UGT1A8: variants seen among roughly 807,000 people sequenced by gnomAD.
UGT1A8 encodes UDP-glucuronosyltransferase 1A8.
A neutral mutation model predicts 45.3 loss-of-function variants in UGT1A8; 39 were observed. That is an observed-to-expected ratio of 0.86 (90% CI 0.67 to 1.12). The LOEUF is 1.12. UGT1A8 is among the 50% of genes most tolerant of loss of function. UGT1A8 has a pLI of 0.00. For synonymous variants in UGT1A8, 275 were observed against 249.2 expected (o/e 1.10, Z -0.97); for missense variants, 719 against 664.9 (o/e 1.08, Z -0.90).
Position 233,703,068 on chromosome 2 carries a change from T to C in UGT1A8, c.856-63966T>C, listed in dbSNP as rs370825305. 7.9e-5 allele frequency among the ~76,000 whole-genome samples: 12 copies of C among 152,368 alleles called. No homozygotes were observed. In the East Asian group the frequency reaches 1.5e-3, roughly 20 times the overall value. On this transcript the variant is annotated intron_variant, in intron 1 of 4. Transcript: ENST00000373450. ...TTGATAGAATTCACTAGTGAAGCTG[T>C]CTGGGCCTAGGCTTTTCTTGCAGGA...
chr2:233,719,667 A>G, intron 1 of UGT1A8: 1 of 1,614,118 alleles, frequency 6.2e-7, no homozygotes, highest in South Asian at 1.1e-5. Flanking sequence ...CAACTGTGCC[A>G]ACGGGAAGCC....
Position 233,768,283 on chromosome 2 carries a change from G to T in UGT1A8, c.1139G>T (p.Cys380Phe). 6.2e-7 allele frequency: 1 copy of T among 1,614,180 alleles called. No homozygotes were observed. The change falls in exon 4 of 5, where the codon TGC becomes TTC. Residue 380 changes from cysteine (C) to phenylalanine (F), a missense_variant. Transcript: ENST00000373450. ...TCCCATGGTGTTTATGAAAGCATAT[G>T]CAATGGCGTTCCCATGGTGATGATG... Reference protein sequence around the residue: ...AGSHGVYESICNGVPMVMMPL... With the variant: ...AGSHGVYESIFNGVPMVMMPL...
intron 1 of UGT1A8, chr2:233,747,179 G>A: frequency 3.7e-6 from 6 of 1,601,464 alleles, no homozygotes; most frequent in Non-Finnish European, 3.4e-6. Context: ...GCACAGCGTG[G>A]GGTGGACAGT....
chr2:233,701,290 G>A (rs1052682506), intron 1 of UGT1A8, among the ~76,000 whole-genome samples: 2 of 152,088 alleles, frequency 1.3e-5, no homozygotes, highest in South Asian at 2.1e-4. Context: ...TTGAGGAATC[G>A]CCACACTGTC....
At chr2:233,707,609 T>C (rs2075976108) in intron 1 of UGT1A8, among the ~76,000 whole-genome samples, 1 of 152,084 alleles carries the variant, frequency 6.6e-6, no homozygotes, top group African/African-American at 2.4e-5. Flanking sequence ...TTGTAGTTTG[T>C]GGATTGTCAG....
At chr2:233,717,239 G>T (rs28898607) in intron 1 of UGT1A8, among the ~76,000 whole-genome samples, 1 of 152,308 alleles carries the variant, frequency 6.6e-6, no homozygotes, top group East Asian at 1.9e-4. Flanking sequence ...TTAAGATGCA[G>T]ACAGTTTTAA....
chr2:233,758,136 T>C (rs1239060049), intron 1 of UGT1A8, among the ~76,000 whole-genome samples: 2 of 152,212 alleles, frequency 1.3e-5, no homozygotes, highest in Non-Finnish European at 2.9e-5. Context: ...ATTTGGCAGA[T>C]GAGGGAATTA....
At chr2:233,637,500 C>T in intron 1 of UGT1A8, 1 of 1,488,600 alleles carries the variant, frequency 6.7e-7, no homozygotes, top group South Asian at 1.4e-5. Context: ...TCCAGTTTAA[C>T]AAATTATTTT....
At chr2:233,670,670 A>G (rs1267117291) in intron 1 of UGT1A8, among the ~76,000 whole-genome samples, 1 of 152,138 alleles carries the variant, frequency 6.6e-6, no homozygotes, top group Non-Finnish European at 1.5e-5. Flanking sequence ...TTTCTCACAG[A>G]TTCATATCTT....
At chr2:233,621,725 T>C (rs1399011773) in intron 1 of UGT1A8, among the ~76,000 whole-genome samples, 2 of 152,160 alleles carry the variant, frequency 1.3e-5, no homozygotes, top group African/African-American at 2.4e-5. Flanking sequence ...AAGAGAAATT[T>C]GTGTCAATCT....
chr2:233,729,068 AG>A, intron 1 of UGT1A8: 1 of 1,611,394 alleles, frequency 6.2e-7, no homozygotes, highest in Non-Finnish European at 8.5e-7. Context: ...AGATGAAGAA[AG>A]CAAATGTAGC....
At chr2:233,678,290 T>C (rs900031853) in intron 1 of UGT1A8, among the ~76,000 whole-genome samples, 2 of 152,184 alleles carry the variant, frequency 1.3e-5, no homozygotes, top group African/African-American at 4.8e-5. Flanking sequence ...CCTGCACATG[T>C]ACTCCTGAAT....
At chr2:233,760,316 C>T in intron 1 of UGT1A8, 1 of 1,614,002 alleles carries the variant, frequency 6.2e-7, no homozygotes, top group South Asian at 1.1e-5. Flanking sequence ...GGCGGACGCC[C>T]ACTTGTCCTG....
chr2:233,643,664 C>T (rs1299496016), intron 1 of UGT1A8, among the ~76,000 whole-genome samples: 5 of 152,134 alleles, frequency 3.3e-5, no homozygotes, highest in African/African-American at 7.2e-5. Context: ...CTGAATCTCA[C>T]CTAGAGCCAG....
chr2:233,761,361 C>A (rs1202698678), intron 1 of UGT1A8, among the ~76,000 whole-genome samples: 1 of 152,198 alleles, frequency 6.6e-6, no homozygotes, highest in Non-Finnish European at 1.5e-5. Context: ...GGAAAGCATT[C>A]CTTGGACATT....
At chr2:233,628,858 C>T (rs1421462240) in intron 1 of UGT1A8, among the ~76,000 whole-genome samples, 1 of 152,020 alleles carries the variant, frequency 6.6e-6, no homozygotes, top group Admixed American at 6.6e-5. Flanking sequence ...TTTTTCCATA[C>T]CTATTGAGAT....
At chr2:233,641,040 G>C (rs1330868621) in intron 1 of UGT1A8, among the ~76,000 whole-genome samples, 3 of 152,098 alleles carry the variant, frequency 2.0e-5, no homozygotes, top group African/African-American at 7.2e-5. Flanking sequence ...ATAGAAAAAT[G>C]CAAGTTATCT....
chr2:233,692,939 C>T, intron 1 of UGT1A8: 2 of 1,593,498 alleles, frequency 1.3e-6, no homozygotes, highest in Non-Finnish European at 1.7e-6. Context: ...GGGAAAATAC[C>T]TAGGAGCCCT....
chr2:233,749,380 T>C (rs1225630422), intron 1 of UGT1A8, among the ~76,000 whole-genome samples: 2 of 151,870 alleles, frequency 1.3e-5, no homozygotes, highest in African/African-American at 4.9e-5. Context: ...TTCTTCCAGT[T>C]TTTCAATGTG....
Sources: gnomAD v4.1 joint callset for allele counts (sites outside exome capture counted in the v4.1 genomes callset) on GRCh38, gnomAD v4.1.1 for gene constraint, MANE v1.5 for transcripts, NCBI Gene and HGNC (gene_info 2026-07-23, HGNC 2026-07-21) for gene names.